The following FGF14 variants were observed in gnomAD, a reference collection of about 807,000 sequenced individuals.
The protein encoded by FGF14 is fibroblast growth factor homologous factor 4.
A neutral mutation model predicts 25.5 loss-of-function variants in FGF14; 5 were observed. The ratio of observed to expected loss-of-function variants is 0.20; its 90% confidence interval spans 0.10 to 0.41. The LOEUF is 0.41. Ranked by LOEUF, FGF14 falls within the 10% of genes least tolerant of loss-of-function variation. The probability of loss-of-function intolerance (pLI) is 1.00; values close to 1 mark genes in which losing one functional copy is unlikely to be tolerated. For missense variants in FGF14, 222 were observed against 320.1 expected (o/e 0.69, Z 2.34); for synonymous variants, 138 against 118.3 (o/e 1.17, Z -1.08).
At position 101,716,024 on chromosome 13, in the gene FGF14, A is replaced by T. The variant is rs573791054; in HGVS notation, c.*6807T>A. 4.4e-6 allele frequency: 1 copy of T among 228,802 alleles called. No individual in the cohort carries two copies. The highest frequency in any genetic ancestry group is 5.2e-5 in the Admixed American group (1 of 19,102). The allele number at this position is 228,802 out of a possible 1,614,324, so 14.2% of individuals were successfully genotyped here. On this transcript the variant is annotated 3_prime_UTR_variant, in exon 5 of 5. Transcript: ENST00000376143. ...CCAGGGATGCTGCTGAGCATCCCGC[A>T]GTGTACAGGACAGCCCCCAAACAAG...
At chr13:101,932,937 G>A (rs1057252933) in intron 1 of FGF14, among the ~76,000 whole-genome samples, 1 of 152,058 alleles carries the variant, frequency 6.6e-6, no homozygotes, top group Admixed American at 6.5e-5. Flanking sequence ...AGCAGCTGAG[G>A]GGAAAATGGA....
intron 1 of FGF14, among the ~76,000 whole-genome samples, chr13:102,267,134 T>A (rs2053026732): frequency 6.6e-6 from 1 of 152,154 alleles, no homozygotes; most frequent in South Asian, 2.1e-4. Flanking sequence ...TAAACTTTCT[T>A]TTTTTTGTAA....
At chr13:101,859,312 T>C (rs930364559) in intron 3 of FGF14, among the ~76,000 whole-genome samples, 7 of 152,172 alleles carry the variant, frequency 4.6e-5, no homozygotes, top group African/African-American at 1.7e-4. Flanking sequence ...AATCACAGAT[T>C]CTGAGAAAAG....
chr13:101,878,713 GA>G (rs2045535036), intron 1 of FGF14, among the ~76,000 whole-genome samples: 1 of 152,036 alleles, frequency 6.6e-6, no homozygotes, highest in African/African-American at 2.4e-5. Context: ...AAAAGAGTTT[GA>G]AAATGTAAAG....
chr13:101,823,661 T>C (rs2042266090), intron 3 of FGF14, among the ~76,000 whole-genome samples: 1 of 150,542 alleles, frequency 6.6e-6, no homozygotes, highest in Admixed American at 6.6e-5. Flanking sequence ...GGTCTCGAAC[T>C]CCCGACCTGA....
intron 1 of FGF14, among the ~76,000 whole-genome samples, chr13:102,224,985 C>T (rs1355803558): frequency 2.0e-5 from 3 of 152,136 alleles, no homozygotes; most frequent in Non-Finnish European, 2.9e-5. Flanking sequence ...GCCCCCAATT[C>T]CCAGCAGAAT....
At chr13:102,086,324 T>A (rs1476485708) in intron 1 of FGF14, among the ~76,000 whole-genome samples, 3 of 152,086 alleles carry the variant, frequency 2.0e-5, no homozygotes, top group Non-Finnish European at 4.4e-5. Flanking sequence ...ATAGAGACCA[T>A]CCTGGCTAAC....
intron 1 of FGF14, among the ~76,000 whole-genome samples, chr13:102,155,327 T>C (rs549818702): frequency 6.6e-6 from 1 of 152,348 alleles, no homozygotes; most frequent in South Asian, 2.1e-4. Context: ...CAGACCACAG[T>C]GCAATCAAAC....
intron 1 of FGF14, among the ~76,000 whole-genome samples, chr13:102,348,142 A>G (rs2057168406): frequency 1.3e-5 from 2 of 152,214 alleles, no homozygotes; most frequent in African/African-American, 4.8e-5. Context: ...TCCCCTGTAG[A>G]AAGATGAGTT....
At chr13:102,223,576 G>A (rs928478960) in intron 1 of FGF14, among the ~76,000 whole-genome samples, 2 of 152,054 alleles carry the variant, frequency 1.3e-5, no homozygotes, top group African/African-American at 4.8e-5. Flanking sequence ...GATGGCCTAC[G>A]GCTTTCAGAA....
At chr13:102,066,999 C>G (rs933508039) in intron 1 of FGF14, among the ~76,000 whole-genome samples, 1 of 152,058 alleles carries the variant, frequency 6.6e-6, no homozygotes, top group Non-Finnish European at 1.5e-5. Flanking sequence ...CTTAGATTAC[C>G]GTCTCACCAT....
intron 1 of FGF14, among the ~76,000 whole-genome samples, chr13:101,982,860 C>T (rs890813736): frequency 1.3e-5 from 2 of 152,188 alleles, no homozygotes; most frequent in East Asian, 1.9e-4. Context: ...GTTAGGCTTC[C>T]GGCAAACAGA....
At chr13:102,061,600 G>A (rs113944052) in intron 1 of FGF14, among the ~76,000 whole-genome samples, 81 of 152,258 alleles carry the variant, frequency 5.3e-4, no homozygotes, top group African/African-American at 1.9e-3. Context: ...GCTTATCATG[G>A]CAGACTGTAT....
At chr13:101,935,573 T>C (rs184531164) in intron 1 of FGF14, among the ~76,000 whole-genome samples, 2 of 152,324 alleles carry the variant, frequency 1.3e-5, no homozygotes, top group East Asian at 3.9e-4. Context: ...TTCCCCTGCT[T>C]GCACTCATTC....
At chr13:102,044,613 T>G (rs2041897190) in intron 1 of FGF14, among the ~76,000 whole-genome samples, 1 of 152,104 alleles carries the variant, frequency 6.6e-6, no homozygotes, top group Non-Finnish European at 1.5e-5. Context: ...TTAAACACAG[T>G]TTAAAAACTG....
intron 1 of FGF14, among the ~76,000 whole-genome samples, chr13:101,955,630 TGAGGGG>T (rs1566490642): frequency 6.6e-6 from 1 of 152,250 alleles, no homozygotes; most frequent in African/African-American, 2.4e-5. Flanking sequence ...GCAAGTCTCC[TGAGGGG>T]AAGGGTGAGA....
intron 3 of FGF14, among the ~76,000 whole-genome samples, chr13:101,836,644 A>G (rs1020856040): frequency 6.6e-6 from 1 of 152,056 alleles, no homozygotes; most frequent in Non-Finnish European, 1.5e-5. Context: ...TCTTGTATTC[A>G]TATACCTTAT....
intron 3 of FGF14, among the ~76,000 whole-genome samples, chr13:101,746,921 A>G (rs1248947564): frequency 1.3e-5 from 2 of 152,056 alleles, no homozygotes; most frequent in African/African-American, 4.8e-5. Flanking sequence ...AGCAAGAAAC[A>G]GCATTCTACA....
At chr13:101,889,598 G>A (rs1042195164) in intron 1 of FGF14, among the ~76,000 whole-genome samples, 3 of 152,138 alleles carry the variant, frequency 2.0e-5, no homozygotes, top group Non-Finnish European at 2.9e-5. Flanking sequence ...GAAATAGACT[G>A]CAAACCACTC....
Sources: allele counts gnomAD v4.1 joint callset (sites outside exome capture counted in the v4.1 genomes callset), GRCh38; gene constraint gnomAD v4.1.1; transcripts MANE v1.5; gene names NCBI Gene and HGNC (gene_info 2026-07-23, HGNC 2026-07-21).